The following PCMT1 variants were observed in gnomAD, a reference collection of about 807,000 sequenced individuals.
PCMT1 encodes the protein protein-L-isoaspartate(D-aspartate) O-methyltransferase.
PCMT1 carries 9 observed loss-of-function variants against 29.2 expected under a neutral mutation model. That is an observed-to-expected ratio of 0.31 (90% CI 0.19 to 0.54). The LOEUF (loss-of-function observed/expected upper bound fraction) is 0.54. PCMT1 is among the 20% of genes least tolerant of loss of function. The pLI, the probability that PCMT1 is intolerant of heterozygous loss-of-function variation, is 0.95. For synonymous variants in PCMT1, 98 were observed against 97.5 expected, an observed-to-expected ratio of 1.00 and a Z score of -0.03; for missense variants, 184 against 282.2, an observed-to-expected ratio of 0.65 and a Z score of 2.49.
At chr6:149,779,062 C>T (rs936824021) in intron 3 of PCMT1, among the ~76,000 whole-genome samples, 50 of 151,982 alleles carry the variant, frequency 3.3e-4, no homozygotes, top group Non-Finnish European at 4.0e-4. Context: ...CACTCTGGTG[C>T]GGGGCCCGGG....
At chr6:149,790,635 T>C (rs992003349) in intron 4 of PCMT1, among the ~76,000 whole-genome samples, 1 of 151,038 alleles carries the variant, frequency 6.6e-6, no homozygotes, top group Non-Finnish European at 1.5e-5. Context: ...CAGTACTTGG[T>C]GGGGCATGTG....
chr6:149,789,759 C>T (rs919994377), intron 3 of PCMT1, among the ~76,000 whole-genome samples, 195 bp from the exon 4 acceptor site: 1 of 152,010 alleles, frequency 6.6e-6, no homozygotes, highest in African/African-American at 2.4e-5. Flanking sequence ...TCTAAAATTA[C>T]TGAAACACAT....
At chr6:149,768,267 T>G (rs1787173782) in intron 1 of PCMT1, among the ~76,000 whole-genome samples, 2 of 151,842 alleles carry the variant, frequency 1.3e-5, no homozygotes, top group African/African-American at 4.8e-5. Context: ...ATTTTCAAAT[T>G]TTTTTAAAGA....
At chr6:149,795,238 C>A in intron 5 of PCMT1, 1 of 394,422 alleles carries the variant, frequency 2.5e-6, no homozygotes, top group South Asian at 2.3e-5. Context: ...ACGACAGCGC[C>A]ATGTTGCATG....
intron 2 of PCMT1, chr6:149,772,496 A>G: frequency 2.3e-6 from 1 of 427,350 alleles, no homozygotes. Flanking sequence ...AACAATCTGA[A>G]GTAAAAACAA....
chr6:149,769,178 T>C (rs747432959), intron 1 of PCMT1, among the ~76,000 whole-genome samples: 6 of 152,064 alleles, frequency 3.9e-5, no homozygotes, highest in Non-Finnish European at 7.4e-5. Context: ...TTTCCTACTT[T>C]TAGGCATTTT....
At chr6:149,775,493 G>T (rs1234293402) in intron 3 of PCMT1, among the ~76,000 whole-genome samples, 1 of 152,060 alleles carries the variant, frequency 6.6e-6, no homozygotes, top group Non-Finnish European at 1.5e-5. Flanking sequence ...ATCGCTAGAA[G>T]CCAGGAGTTT....
At chr6:149,805,476 C>A (rs1457803627) in intron 7 of PCMT1, among the ~76,000 whole-genome samples, 1 of 150,952 alleles carries the variant, frequency 6.6e-6, no homozygotes, top group African/African-American at 2.4e-5. Context: ...TACCTCTAGT[C>A]CCAGCTACTC....
intron 3 of PCMT1, among the ~76,000 whole-genome samples, chr6:149,784,833 T>C (rs1027630863): frequency 3.3e-5 from 5 of 152,222 alleles, no homozygotes; most frequent in African/African-American, 1.2e-4. Flanking sequence ...CATCCCTGGA[T>C]ACTTTATTAT....
chr6:149,752,428 A>C (rs964978517), intron 1 of PCMT1, among the ~76,000 whole-genome samples: 1 of 151,926 alleles, frequency 6.6e-6, no homozygotes, highest in Non-Finnish European at 1.5e-5. Flanking sequence ...CAAACTCTTG[A>C]CCTAAGGTGA....
intron 3 of PCMT1, among the ~76,000 whole-genome samples, chr6:149,789,264 G>A (rs1014932028): frequency 1.3e-5 from 2 of 151,954 alleles, no homozygotes; most frequent in Admixed American, 6.6e-5. Flanking sequence ...TTTTAGTAGA[G>A]ATGGAGTTTC....
chr6:149,782,526 ACCACT>A (rs1313432514), intron 3 of PCMT1, among the ~76,000 whole-genome samples: 1 of 152,184 alleles, frequency 6.6e-6, no homozygotes, highest in African/African-American at 2.4e-5. Context: ...GATCCTAAAT[ACCACT>A]GCTTACTAAA....
intron 1 of PCMT1, among the ~76,000 whole-genome samples, chr6:149,758,208 C>CTTTTTTTTTTTTTTTTTTTTTTTT (rs756014067): frequency 6.8e-5 from 5 of 73,908 alleles, no homozygotes; most frequent in Non-Finnish European, 9.9e-5. Flanking sequence ...TTCTTTCTTT[C>CTTTTTTTTTTTTTTTTTTTTTTTT]TTTTTTTTTT....
At chr6:149,791,893 A>G (rs763404331) in intron 4 of PCMT1, among the ~76,000 whole-genome samples, 16 of 152,196 alleles carry the variant, frequency 1.1e-4, no homozygotes, top group Non-Finnish European at 1.6e-4. Context: ...TGTTTTTCAC[A>G]CATTTACCAT....
intron 3 of PCMT1, among the ~76,000 whole-genome samples, chr6:149,787,837 GTGTGTGTA>G (rs1381837986): frequency 6.6e-6 from 1 of 151,826 alleles, no homozygotes; most frequent in Non-Finnish European, 1.5e-5. Flanking sequence ...GTGTGTGTGT[GTGTGTGTA>G]TGTGTGTGTA....
chr6:149,751,036 G>T (rs1425174245), intron 1 of PCMT1, among the ~76,000 whole-genome samples: 6 of 151,976 alleles, frequency 3.9e-5, no homozygotes, highest in Non-Finnish European at 8.8e-5. Context: ...ATTTTTTTTG[G>T]CCGGGCTCAT....
chr6:149,767,828 C>T (rs543003947), intron 1 of PCMT1, among the ~76,000 whole-genome samples: 46 of 152,042 alleles, frequency 3.0e-4, no homozygotes, highest in Non-Finnish European at 3.7e-4. Flanking sequence ...ACGTCTTGCT[C>T]TGTCACCCAG....
chr6:149,800,487 A>G (rs150078323), intron 6 of PCMT1, among the ~76,000 whole-genome samples: 24 of 152,172 alleles, frequency 1.6e-4, no homozygotes, highest in African/African-American at 5.3e-4. Flanking sequence ...AAAAAACTAC[A>G]ACAAAAAACA....
At chr6:149,800,156 G>T (rs945056346) in intron 6 of PCMT1, among the ~76,000 whole-genome samples, 8 of 152,064 alleles carry the variant, frequency 5.3e-5, no homozygotes, top group Admixed American at 1.3e-4. Flanking sequence ...CCTTTCCTGA[G>T]GTAATAAATA....
Sources: gnomAD v4.1 joint callset for allele counts (sites outside exome capture counted in the v4.1 genomes callset) on GRCh38, gnomAD v4.1.1 for gene constraint, MANE v1.5 for transcripts, NCBI Gene and HGNC (gene_info 2026-07-23, HGNC 2026-07-21) for gene names.